The following OSBPL9 variants were observed in gnomAD, a reference collection of about 807,000 sequenced individuals.
OSBPL9 encodes oxysterol binding protein like 9.
In OSBPL9, 40 loss-of-function variants were observed where a neutral mutation model predicts 106.6. That is an observed-to-expected ratio of 0.38 (90% CI 0.29 to 0.49). The LOEUF is 0.49. OSBPL9 is among the 20% of genes least tolerant of loss of function. The pLI is 0.97. For missense variants in OSBPL9, 609 were observed against 887.2 expected (o/e 0.69, Z 3.98); for synonymous variants, 269 against 295.4 (o/e 0.91, Z 0.92).
At position 51,765,958 on chromosome 1, in the gene OSBPL9, C is replaced by T. The variant is rs921638224; in HGVS notation, c.915C>T (p.Gly305=). 4 of 1,613,570 alleles carry T rather than the reference C, an allele frequency of 2.5e-6. No homozygotes were observed. In the African/African-American group the frequency reaches 4.0e-5, roughly 16 times the overall value. ...ATGCTGATGAATTCCATCAAAGTGG[C>T]TCATCCCCAAAGCGCTTAATAGAGT... ...FYDADEFHQS[G]SSPKRLIDSS... Residue 305 remains glycine (G), a synonymous_variant, in exon 12 of 24, where the codon GGC becomes GGT. Coordinates refer to ENST00000428468, the MANE Select transcript of OSBPL9 (RefSeq NM_024586.6).
chr1:51,739,144 GA>G (rs1666337405), intron 4 of OSBPL9, among the ~76,000 whole-genome samples: 1 of 152,012 alleles, frequency 6.6e-6, no homozygotes, highest in African/African-American at 2.4e-5. Context: ...GCAGTTTTTA[GA>G]TTACATTTTA....
Position 51,772,687 on chromosome 1 carries a change from C to G in OSBPL9, c.1134C>G (p.Leu378=). 6.2e-7 allele frequency: 1 copy of G among 1,614,186 alleles called. No individual in the cohort carries two copies. The highest frequency in any genetic ancestry group is 1.1e-5 in the South Asian group (1 of 91,080). Residue 378 remains leucine, a synonymous_variant, in exon 14 of 24, where the codon CTC becomes CTG. Coordinates refer to ENST00000428468, the MANE Select transcript of OSBPL9 (RefSeq NM_024586.6). The part of the protein sequence containing the change: ...VEEHKSVIMH[L]LSQVRLGMDL... The stretch of plus-strand genomic sequence containing the variant: ...AGCACAAGAGCGTTATCATGCATCT[C>G]TTGTCGCAGGTTAGACTTGGAATGG...
the OSBPL9 span, among the ~76,000 whole-genome samples, chr1:51,522,008 C>T: frequency 8.4e-4 from 128 of 152,176 alleles, 1 homozygote; most frequent in South Asian, 0.016. Context: ...CTGCCTGCCT[C>T]GGCTTCCCAA....
rs1678189729 is a variant in OSBPL9, at chr1:51,788,289, A to G, written c.*500A>G. On this transcript the variant is annotated 3_prime_UTR_variant, in exon 24 of 24. Coordinates refer to ENST00000428468, the MANE Select transcript of OSBPL9 (RefSeq NM_024586.6). Reference sequence around the variant, plus strand: ...AATATGGGTTCCTCTGAGTTGTTTTAGAAAATTAGCGCAATGTATTAAAAT... The same window carrying G: ...AATATGGGTTCCTCTGAGTTGTTTTGGAAAATTAGCGCAATGTATTAAAAT... 6.5e-6 allele frequency: 1 copy of G among 153,066 alleles called. No individual in the cohort carries two copies. Among genetic ancestry groups the G allele is most frequent in the Non-Finnish European group, 1.5e-5 (1 of 68,412 alleles). The allele number at this position is 153,066 out of a possible 1,614,324, so 9.5% of individuals were successfully genotyped here. A position where few individuals can be genotyped will look rare whatever the true frequency, so the allele number is the denominator to read the frequency against.
At chr1:51,637,893 A>G (rs568793309) in intron 1 of OSBPL9, among the ~76,000 whole-genome samples, 1 of 152,344 alleles carries the variant, frequency 6.6e-6, no homozygotes, top group South Asian at 2.1e-4. Flanking sequence ...TGTTAGAGAC[A>G]TACCTATTAC....
At chr1:51,666,221 G>A (rs1446168271) in intron 2 of OSBPL9, among the ~76,000 whole-genome samples, 27 of 152,146 alleles carry the variant, frequency 1.8e-4, no homozygotes, top group Admixed American at 1.7e-3. Context: ...GAAGTTTGGT[G>A]CCGTGAGAGG....
chr1:51,697,992 T>G (rs1656432244), intron 3 of OSBPL9, among the ~76,000 whole-genome samples: 1 of 152,030 alleles, frequency 6.6e-6, no homozygotes, highest in Non-Finnish European at 1.5e-5. Context: ...ATTGGTATTT[T>G]CATGTATGTC....
At chr1:51,542,327 C>A in the OSBPL9 span, among the ~76,000 whole-genome samples, 3 of 152,224 alleles carry the variant, frequency 2.0e-5, no homozygotes, top group Non-Finnish European at 4.4e-5. Flanking sequence ...TAAGGTCCCA[C>A]ACACACTGAG....
chr1:51,635,013 T>C (rs1384649700), intron 1 of OSBPL9, among the ~76,000 whole-genome samples: 4 of 152,200 alleles, frequency 2.6e-5, no homozygotes, highest in African/African-American at 9.7e-5. Context: ...ATGTGGGAAT[T>C]ACGGGAGCTA....
the OSBPL9 span, among the ~76,000 whole-genome samples, chr1:51,529,457 A>G: frequency 6.6e-6 from 1 of 151,938 alleles, no homozygotes; most frequent in Non-Finnish European, 1.5e-5. Flanking sequence ...GTTAGCCAGG[A>G]TGGTCTTGAT....
intron 2 of OSBPL9, among the ~76,000 whole-genome samples, chr1:51,656,291 G>A (rs992212249): frequency 5.3e-5 from 8 of 152,038 alleles, no homozygotes; most frequent in African/African-American, 1.7e-4. Context: ...GGATGACAAC[G>A]ATGATGATGA....
At chr1:51,528,134 C>A in the OSBPL9 span, among the ~76,000 whole-genome samples, 5 of 151,254 alleles carry the variant, frequency 3.3e-5, no homozygotes, top group Admixed American at 6.6e-5. Context: ...CCAAAAAAAA[C>A]CAAGAAAGGT....
At chr1:51,597,024 G>T (rs905615275) in intron 1 of OSBPL9, among the ~76,000 whole-genome samples, 2 of 152,166 alleles carry the variant, frequency 1.3e-5, no homozygotes, top group Admixed American at 6.5e-5. Context: ...CCTCCTTGAG[G>T]TGACACTTTG....
intron 12 of OSBPL9, among the ~76,000 whole-genome samples, chr1:51,770,316 T>C (rs1673591168): frequency 6.6e-6 from 1 of 152,154 alleles, no homozygotes; most frequent in South Asian, 2.1e-4. Context: ...TAACTTTTTG[T>C]ATTTTTAGTA....
chr1:51,617,209 C>T lies in OSBPL9; in HGVS notation c.99C>T (p.Leu33=), dbSNP rs143626823. 6.9e-3 allele frequency: 11,049 copies of T among 1,612,244 alleles called. 45 individuals carry two copies. The highest frequency in any genetic ancestry group is 8.2e-3 in the Non-Finnish European group (9,693 of 1,179,206). Residue 33 remains leucine (L), a synonymous_variant, in exon 1 of 24, where the codon CTC becomes CTT. Coordinates refer to ENST00000428468, the MANE Select transcript of OSBPL9 (RefSeq NM_024586.6). ...TGCTGGACTACAATGCAGGACTGCT[C>T]TCCTACTACACGGTGAGTCCTTGGA... ...WFVLDYNAGL[L]SYYTSKDKMM... is the part of the protein sequence containing the mutation.
At chr1:51,530,328 T>C in the OSBPL9 span, among the ~76,000 whole-genome samples, 1 of 151,908 alleles carries the variant, frequency 6.6e-6, no homozygotes, top group Non-Finnish European at 1.5e-5. Context: ...TCAGAACTTC[T>C]GTACTTCGAA....
intron 11 of OSBPL9, among the ~76,000 whole-genome samples, chr1:51,762,204 G>A (rs1386787810): frequency 6.6e-6 from 1 of 152,042 alleles, no homozygotes; most frequent in Non-Finnish European, 1.5e-5. Flanking sequence ...TTATTTTTGA[G>A]ACAGGGTCTC....
chr1:51,775,796 A>T (rs1294819122), intron 14 of OSBPL9, among the ~76,000 whole-genome samples: 1 of 152,030 alleles, frequency 6.6e-6, no homozygotes, highest in Non-Finnish European at 1.5e-5. Flanking sequence ...TTTTTAGTAG[A>T]GACGGGGTTT....
Position 51,729,891 on chromosome 1 carries a change from G to C in OSBPL9, c.319-15645G>C. ...CGCCTGCACCGCAGTCCGGGGATCG[G>C]GTCGAGGGGAGAAGAAAAAGGGGTG... is the stretch of plus-strand genomic sequence containing the variant. On this transcript the variant is annotated intron_variant, in intron 4 of 23. Coordinates refer to ENST00000428468, the MANE Select transcript of OSBPL9 (RefSeq NM_024586.6). The surrounding 1 kb of genome is among the most constrained non-coding windows in gnomAD (Gnocchi z 5.1). 3.2e-6 allele frequency: 4 copies of C among 1,265,446 alleles called. No individual in the cohort carries two copies. The highest frequency in any genetic ancestry group is 4.0e-6 in the Non-Finnish European group (4 of 997,754). 78.4% of individuals were successfully genotyped at this position (1,265,446 alleles called of 1,614,324 possible). A position where few individuals can be genotyped will look rare whatever the true frequency, so the allele number is the denominator to read the frequency against.
Sources: allele counts gnomAD v4.1 joint callset (sites outside exome capture counted in the v4.1 genomes callset), GRCh38; gene constraint gnomAD v4.1.1; non-coding constraint Gnocchi (gnomAD v3.1); transcripts MANE v1.5; gene names NCBI Gene and HGNC (gene_info 2026-07-23, HGNC 2026-07-21).